The following SRSF1 variants were observed in gnomAD, a reference collection of about 807,000 sequenced individuals.
SRSF1 encodes serine and arginine rich splicing factor 1.
SRSF1 carries 1 observed loss-of-function variant against 25.9 expected under a neutral mutation model. That is an observed-to-expected ratio of 0.04 (90% CI 0.01 to 0.18). The LOEUF (loss-of-function observed/expected upper bound fraction) is 0.18. Ranked by LOEUF, SRSF1 falls within the 10% of genes least tolerant of loss-of-function variation. The probability of loss-of-function intolerance (pLI) is 1.00; values close to 1 mark genes in which losing one functional copy is unlikely to be tolerated. For synonymous variants in SRSF1, 132 were observed against 126.2 expected, an observed-to-expected ratio of 1.05 and a Z score of -0.31; for missense variants, 65 against 350.5, an observed-to-expected ratio of 0.19 and a Z score of 6.50.
In SRSF1 at chr17:58,005,621, T is replaced by G. The variant is rs745603397; in HGVS notation, c.553-21A>C. 1 of 1,612,648 alleles carries G rather than the reference T, an allele frequency of 6.2e-7. No homozygotes were observed. The highest frequency in any genetic ancestry group is 1.3e-5 in the African/African-American group (1 of 74,972). On this transcript the variant is annotated intron_variant, in intron 3 of 3. Transcript: ENST00000258962. The surrounding 1 kb of genome is among the most constrained non-coding windows in gnomAD (Gnocchi z 5.2). ...TCTCCCTATTGGATAGACAGAACTT[T>G]CCATTGAAAGATCTAAGCTTTCATC...
At position 58,004,161 on chromosome 17, in the gene SRSF1, T is replaced by TA. The variant is rs2075411062; in HGVS notation, c.*1244dup. Reference sequence around the variant, plus strand: ...AACAAGTTTCTGAATGGTGTTCAGATAAATTTTAGAAACTTAATCATCATA... The same window carrying TA: ...AACAAGTTTCTGAATGGTGTTCAGATAAAATTTTAGAAACTTAATCATCATA... On this transcript the variant is annotated 3_prime_UTR_variant, in exon 4 of 4. Transcript: ENST00000258962. 1 of 152,678 alleles carries TA rather than the reference T, an allele frequency of 6.5e-6. No homozygotes were observed. The allele number at this position is 152,678 out of a possible 1,614,324, so 9.5% of individuals were successfully genotyped here. A position where few individuals can be genotyped will look rare whatever the true frequency, so the allele number is the denominator to read the frequency against.
At chr17:57,998,019 C>T (rs2075371670), downstream of SRSF1, among the ~76,000 whole-genome samples, 1 of 152,120 alleles carries the variant, frequency 6.6e-6, no homozygotes, top group Non-Finnish European at 1.5e-5. Context: ...GTTCAGAGAC[C>T]AGCTGAGCCA....
rs1482204076 is a variant in SRSF1 at position 58,004,372 on chromosome 17, A to C, written c.*1034T>G. 1 of 152,618 alleles carries C rather than the reference A, an allele frequency of 6.6e-6. No individual in the cohort carries two copies. 9.5% of individuals were successfully genotyped at this position (152,618 alleles called of 1,614,324 possible). On this transcript the variant is annotated 3_prime_UTR_variant, in exon 4 of 4. Coordinates refer to ENST00000258962, the MANE Select transcript of SRSF1 (RefSeq NM_006924.5). ...CCATTTGCAATTTAATTTGTAAATT[A>C]AAGTCTTTTAAACATATGAACCAAT...
chr17:57,996,361 G>A (rs1006657146), downstream of SRSF1, among the ~76,000 whole-genome samples: 5 of 151,548 alleles, frequency 3.3e-5, no homozygotes, highest in African/African-American at 1.2e-4. Flanking sequence ...GCAGGTGCCT[G>A]TAATCCCTGC....
downstream of SRSF1, among the ~76,000 whole-genome samples, chr17:58,000,665 G>A (rs1371891907): frequency 1.3e-5 from 2 of 152,250 alleles, no homozygotes; most frequent in East Asian, 3.9e-4. Flanking sequence ...ACAATAACAG[G>A]TTTTTCAGTC....
In SRSF1 at chr17:58,004,092, C is replaced by T. The variant is rs2075410606; in HGVS notation, c.*1314G>A. 6.6e-6 allele frequency: 1 copy of T among 152,606 alleles called. No individual in the cohort carries two copies. The allele number at this position is 152,606 out of a possible 1,614,324, so 9.5% of individuals were successfully genotyped here. On this transcript the variant is annotated 3_prime_UTR_variant, in exon 4 of 4. Transcript: ENST00000258962. ...CTGGGGAATGATGAGTTATGTCTGTCATCAGTTTAACAGATGCACATCAAT... is the reference window on the plus strand; with the variant it reads ...CTGGGGAATGATGAGTTATGTCTGTTATCAGTTTAACAGATGCACATCAAT...
rs911494882 is a variant in SRSF1, at chr17:58,007,229, C to T, written c.-92G>A. 48 of 1,478,306 alleles carry T rather than the reference C, an allele frequency of 3.2e-5. No homozygotes were observed. In the African/African-American group the frequency reaches 3.6e-4, roughly 11 times the overall value. The allele number at this position is 1,478,306 out of a possible 1,614,324, so 91.6% of individuals were successfully genotyped here. On this transcript the variant is annotated 5_prime_UTR_variant, in exon 1 of 4. Transcript: ENST00000258962. Reference sequence around the variant, plus strand: ...GCCCGCAGCGGCACCACGTCTCCCGCGGCCCCTCCAAAATGGCGCCTTTAT... The same window carrying T: ...GCCCGCAGCGGCACCACGTCTCCCGTGGCCCCTCCAAAATGGCGCCTTTAT...
rs769144591 is a variant in SRSF1, at chr17:58,007,021, G to A, written c.117C>T (p.Tyr39=). Residue 39 remains tyrosine, a synonymous_variant, in exon 1 of 4, where the codon TAC becomes TAT. Transcript: ENST00000258962. ...TKDIEDVFYK[Y]GAIRDIDLKN... ...TGAGGTCGATGTCGCGGATAGCGCCGTATTTGTAGAACACGTCCTCAATGT... is the reference window on the plus strand; with the variant it reads ...TGAGGTCGATGTCGCGGATAGCGCCATATTTGTAGAACACGTCCTCAATGT... 6.2e-7 allele frequency: 1 copy of A among 1,614,202 alleles called. No homozygotes were observed. Among genetic ancestry groups the A allele is most frequent in the Non-Finnish European group, 8.5e-7 (1 of 1,180,046 alleles).
chr17:57,998,816 A>T (rs1398959808), downstream of SRSF1, among the ~76,000 whole-genome samples: 2 of 152,152 alleles, frequency 1.3e-5, no homozygotes, highest in African/African-American at 4.8e-5. Context: ...TTAGTGCTTT[A>T]TTCTTTGAAA....
chr17:58,006,623 C>G (rs1598061751), intron 1 of SRSF1, 96 bp from the exon 2 acceptor site: 1 of 1,386,994 alleles, frequency 7.2e-7, no homozygotes, highest in Non-Finnish European at 9.7e-7. Context: ...GCGCACCCAA[C>G]GTGGAAGAGC....
At position 58,005,240 on chromosome 17, in the gene SRSF1, C is replaced by A; in HGVS notation, c.*166G>T. On this transcript the variant is annotated 3_prime_UTR_variant, in exon 4 of 4. Transcript: ENST00000258962. This position sits in a 1 kb window ranked among gnomAD's most constrained non-coding sequence, Gnocchi z 5.2. ...CACTTAAAATACAATTTATCAAAGACACGAAGGGAATGTAGATGTTAGGAG... is the reference window on the plus strand; with the variant it reads ...CACTTAAAATACAATTTATCAAAGAAACGAAGGGAATGTAGATGTTAGGAG... 1 of 688,238 alleles carries A rather than the reference C, an allele frequency of 1.5e-6. No individual in the cohort carries two copies. Among genetic ancestry groups the A allele is most frequent in the Non-Finnish European group, 2.4e-6 (1 of 413,214 alleles). 42.6% of individuals were successfully genotyped at this position (688,238 alleles called of 1,614,324 possible).
chr17:57,999,743 A>G (rs1235643167), downstream of SRSF1, among the ~76,000 whole-genome samples: 1 of 152,220 alleles, frequency 6.6e-6, no homozygotes, highest in Non-Finnish European at 1.5e-5. Flanking sequence ...CATGTTGTAA[A>G]AAAACCAAAC....
chr17:57,989,560 A>G, the SRSF1 span: 1 of 397,862 alleles, frequency 2.5e-6, no homozygotes, highest in Non-Finnish European at 4.4e-6. Context: ...GTAATAGAAA[A>G]CCAAGGAGAT....
Position 58,003,541 on chromosome 17 carries a change from A to T in SRSF1, c.*1865T>A, listed in dbSNP as rs555229680. On this transcript the variant is annotated 3_prime_UTR_variant, in exon 4 of 4. Coordinates refer to ENST00000258962, the MANE Select transcript of SRSF1 (RefSeq NM_006924.5). ...TTTTCAAAGAAAACGGCAATAGCCA[A>T]TTGGAAACCTACTTATTCTTCAACT... 3.9e-5 allele frequency: 6 copies of T among 152,362 alleles called. No individual in the cohort carries two copies. Among genetic ancestry groups the T allele is most frequent in the African/African-American group, 1.2e-4 (5 of 41,590 alleles). 9.4% of individuals were successfully genotyped at this position (152,362 alleles called of 1,614,324 possible).
In SRSF1 at chr17:58,007,167, C is replaced by G; in HGVS notation, c.-30G>C. On this transcript the variant is annotated 5_prime_UTR_variant, in exon 1 of 4. Coordinates refer to ENST00000258962, the MANE Select transcript of SRSF1 (RefSeq NM_006924.5). ...GTGACGAAAAGCGCGGACTCGAGAA[C>G]AGGCCTTCCCACCAAGCCTAGCGCA... 1 of 1,611,276 alleles carries G rather than the reference C, an allele frequency of 6.2e-7. No homozygotes were observed. The highest frequency in any genetic ancestry group is 8.5e-7 in the Non-Finnish European group (1 of 1,178,830).
chr17:58,005,329 T>TA lies in SRSF1; in HGVS notation c.*76dup, dbSNP rs1165129949. ...CCATTCTGAACAAAACAGTTTGAAT[T>TA]AAAAAATGAAAAGATTGTACTGAAT... On this transcript the variant is annotated 3_prime_UTR_variant, in exon 4 of 4. Transcript: ENST00000258962. This position sits in a 1 kb window ranked among gnomAD's most constrained non-coding sequence, Gnocchi z 5.2. 9 of 1,517,542 alleles carry TA rather than the reference T, an allele frequency of 5.9e-6. No homozygotes were observed. In the African/African-American group the frequency reaches 6.9e-5, roughly 12 times the overall value. The allele number at this position is 1,517,542 out of a possible 1,614,324, so 94.0% of individuals were successfully genotyped here. A position where few individuals can be genotyped will look rare whatever the true frequency, so the allele number is the denominator to read the frequency against.
rs955769164 is a variant in SRSF1, at chr17:58,001,163, T to C, written c.*4243A>G. On this transcript the variant is annotated 3_prime_UTR_variant, in exon 4 of 4. Transcript: ENST00000258962. ...TGCAATTTAAATTACAAAATTCATA[T>C]ACAAAGTAAGCAAAAAGGCACACAT... is the stretch of plus-strand genomic sequence containing the variant. Among the ~76,000 whole-genome samples, 1 of 152,074 alleles carries C rather than the reference T, an allele frequency of 6.6e-6. No individual in the cohort carries two copies. The highest frequency in any genetic ancestry group is 2.4e-5 in the African/African-American group (1 of 41,444).
chr17:57,992,922 G>C, the SRSF1 span: 1 of 152,198 alleles, frequency 6.6e-6, no homozygotes, highest in Non-Finnish European at 1.5e-5. Flanking sequence ...GTGAGCAGCA[G>C]TGACCTAAGA....
Position 58,007,158 on chromosome 17 carries a change from A to G in SRSF1, c.-21T>C, listed in dbSNP as rs540266158. On this transcript the variant is annotated 5_prime_UTR_variant, in exon 1 of 4. Coordinates refer to ENST00000258962, the MANE Select transcript of SRSF1 (RefSeq NM_006924.5). ...GACATGGCGGTGACGAAAAGCGCGGACTCGAGAACAGGCCTTCCCACCAAG... is the reference window on the plus strand; with the variant it reads ...GACATGGCGGTGACGAAAAGCGCGGGCTCGAGAACAGGCCTTCCCACCAAG... 62 of 1,612,926 alleles carry G rather than the reference A, an allele frequency of 3.8e-5. No individual in the cohort carries two copies. Among genetic ancestry groups the G allele is most frequent in the Non-Finnish European group, 5.2e-5 (61 of 1,179,656 alleles).
Sources: allele counts gnomAD v4.1 joint callset (sites outside exome capture counted in the v4.1 genomes callset), GRCh38; gene constraint gnomAD v4.1.1; non-coding constraint Gnocchi (gnomAD v3.1); transcripts MANE v1.5; gene names NCBI Gene and HGNC (gene_info 2026-07-23, HGNC 2026-07-21).